The following ATF3 variants were observed in gnomAD, a reference collection of about 807,000 sequenced individuals.
ATF3 encodes the protein activating transcription factor 3.
ATF3 carries 10 observed loss-of-function variants against 18.4 expected under a neutral mutation model. That is an observed-to-expected ratio of 0.54 (90% CI 0.34 to 0.92). The LOEUF (loss-of-function observed/expected upper bound fraction) is 0.92, where lower values mean the gene tolerates loss of function less well. Ranked by LOEUF, ATF3 falls within the 40% of genes least tolerant of loss-of-function variation. ATF3 has a pLI of 0.02. For missense variants in ATF3, 183 were observed against 222.3 expected, an observed-to-expected ratio of 0.82 and a Z score of 1.12; for synonymous variants, 78 against 87.9, an observed-to-expected ratio of 0.89 and a Z score of 0.63.
chr1:212,596,022 G>A (rs1664985112), intron 1 of ATF3, among the ~76,000 whole-genome samples: 1 of 152,222 alleles, frequency 6.6e-6, no homozygotes, highest in Non-Finnish European at 1.5e-5. Context: ...GAAACCACTA[G>A]CGCCTCAAGT....
At chr1:212,574,575 A>G (rs144328484) in intron 1 of ATF3, among the ~76,000 whole-genome samples, 1 of 151,946 alleles carries the variant, frequency 6.6e-6, no homozygotes, top group East Asian at 1.9e-4. Flanking sequence ...GTATGTTTGT[A>G]TCTTATATAA....
chr1:212,586,237 T>C (rs1027323010), intron 1 of ATF3, among the ~76,000 whole-genome samples: 2 of 152,132 alleles, frequency 1.3e-5, no homozygotes, highest in Non-Finnish European at 1.5e-5. Context: ...TGTCATGAAG[T>C]TTCTATTATC....
intron 1 of ATF3, among the ~76,000 whole-genome samples, chr1:212,595,839 G>C (rs992852836): frequency 1.3e-5 from 2 of 152,204 alleles, no homozygotes; most frequent in African/African-American, 4.8e-5. Flanking sequence ...TACATGGCTA[G>C]TCCTAGAGGT....
chr1:212,587,475 C>G (rs1664800582), intron 1 of ATF3, among the ~76,000 whole-genome samples: 1 of 152,150 alleles, frequency 6.6e-6, no homozygotes, highest in Non-Finnish European at 1.5e-5. Context: ...TGACGCAAAC[C>G]ACAATCTCTA....
chr1:212,618,351 G>A lies in ATF3; in HGVS notation c.348+117G>A, dbSNP rs779374194. On this transcript the variant is annotated intron_variant, in intron 3 of 3. Coordinates refer to ENST00000341491, the MANE Select transcript of ATF3 (RefSeq NM_001674.4). The surrounding 1 kb of genome is among the most constrained non-coding windows in gnomAD (Gnocchi z 4.4). ...ACTTGGTTATAGTTTCCCAAGAAGG[G>A]CCTTGTAGCTGGTAGCAGAAATGCC... is the stretch of plus-strand genomic sequence containing the variant. 15 of 1,057,588 alleles carry A rather than the reference G, an allele frequency of 1.4e-5. No homozygotes were observed. The highest frequency in any genetic ancestry group is 2.2e-5 in the Non-Finnish European group (15 of 679,476). 65.5% of individuals were successfully genotyped at this position (1,057,588 alleles called of 1,614,324 possible).
intron 1 of ATF3, among the ~76,000 whole-genome samples, chr1:212,587,220 C>T (rs773901325): frequency 4.6e-5 from 7 of 152,084 alleles, no homozygotes; most frequent in African/African-American, 7.2e-5. Context: ...ATAATAATAC[C>T]GTGCTTAAAT....
At chr1:212,568,187 A>G (rs1664417156) in intron 1 of ATF3, among the ~76,000 whole-genome samples, 1 of 152,212 alleles carries the variant, frequency 6.6e-6, no homozygotes, top group East Asian at 1.9e-4. Context: ...ATTCACATGG[A>G]GAGTGGTCAA....
rs542860126 is a variant in ATF3, at chr1:212,620,139, C to G, written c.*584C>G. 5.8e-5 allele frequency: 9 copies of G among 156,440 alleles called. No homozygotes were observed. Among genetic ancestry groups the G allele is most frequent in the Non-Finnish European group, 8.5e-5 (6 of 70,414 alleles). The allele number at this position is 156,440 out of a possible 1,614,324, so 9.7% of individuals were successfully genotyped here. ...GACTTTTATATGCTTTTTCTCAGAT[C>G]TGGTTTCTAAGAGTTTTGGGGGGCG... On this transcript the variant is annotated 3_prime_UTR_variant, in exon 4 of 4. Coordinates refer to ENST00000341491, the MANE Select transcript of ATF3 (RefSeq NM_001674.4).
intron 1 of ATF3, among the ~76,000 whole-genome samples, chr1:212,585,942 C>A (rs1380009103): frequency 6.6e-6 from 1 of 152,192 alleles, no homozygotes; most frequent in Non-Finnish European, 1.5e-5. Flanking sequence ...TGGCACCCAT[C>A]CTCCTGACTT....
chr1:212,577,935 C>T (rs3125290), intron 1 of ATF3, among the ~76,000 whole-genome samples: 79,191 of 152,004 alleles, frequency 0.52, 20,571 homozygotes, highest in Admixed American at 0.55. Context: ...CCTTTGAATA[C>T]ATTACTCAGT....
rs1350042162 is a variant in ATF3 at position 212,600,190 on chromosome 1, T to C, written c.-4-14828T>C. Among the ~76,000 whole-genome samples, 4 of 152,312 alleles carry C rather than the reference T, an allele frequency of 2.6e-5. No homozygotes were observed. The East Asian group carries it at 5.8e-4, about 22-fold the overall frequency. On this transcript the variant is annotated intron_variant, in intron 1 of 3. Transcript: ENST00000366981. ...GCCTCCTGATGGCCCTCCATGGGCA[T>C]CTTCCTCTCCCATCCAGCCCACCCT...
upstream of ATF3, among the ~76,000 whole-genome samples, chr1:212,604,901 T>C (rs1275115122): frequency 2.6e-5 from 4 of 152,130 alleles, no homozygotes; most frequent in African/African-American, 9.7e-5. Context: ...GCCCCAGGTG[T>C]GTGGTGGAGT....
intron 1 of ATF3, among the ~76,000 whole-genome samples, chr1:212,585,118 G>T (rs960443803): frequency 1.3e-5 from 2 of 152,222 alleles, no homozygotes; most frequent in African/African-American, 4.8e-5. Flanking sequence ...GGGACAGAGA[G>T]AAGTGCCTGA....
chr1:212,615,958 G>T (rs959471388), intron 2 of ATF3, among the ~76,000 whole-genome samples: 11 of 151,682 alleles, frequency 7.3e-5, no homozygotes, highest in African/African-American at 2.4e-4. Context: ...CCCAGCCGGG[G>T]TTGCTGTTTT....
chr1:212,571,511 A>G (rs1294496391), intron 1 of ATF3, among the ~76,000 whole-genome samples: 2 of 147,954 alleles, frequency 1.4e-5, no homozygotes. Flanking sequence ...AGGTTCAAGC[A>G]ATGCTCCTGC....
intron 1 of ATF3, among the ~76,000 whole-genome samples, chr1:212,578,806 T>G (rs185315330): frequency 1.8e-4 from 28 of 152,186 alleles, no homozygotes; most frequent in Admixed American, 1.6e-3. Context: ...ACTATTGCAG[T>G]GGTCCACTCA....
chr1:212,586,648 A>G (rs1431631741), intron 1 of ATF3, among the ~76,000 whole-genome samples: 1 of 152,244 alleles, frequency 6.6e-6, no homozygotes, highest in Non-Finnish European at 1.5e-5. Flanking sequence ...GCTGTCATCC[A>G]TGCCTCAAGA....
Position 212,618,972 on chromosome 1 carries a change from G to A in ATF3, c.349-386G>A. 6.3e-7 allele frequency: 1 copy of A among 1,581,724 alleles called. No individual in the cohort carries two copies. The highest frequency in any genetic ancestry group is 8.7e-7 in the Non-Finnish European group (1 of 1,151,774). ...GTGTGTTGCTATATACATTTTTTCT[G>A]GGGAGATGAGCTTCTCATTGAGATC... On this transcript the variant is annotated intron_variant, in intron 3 of 3. Coordinates refer to ENST00000341491, the MANE Select transcript of ATF3 (RefSeq NM_001674.4). This position sits in a 1 kb window ranked among gnomAD's most constrained non-coding sequence, Gnocchi z 4.4.
chr1:212,616,173 T>C (rs1258653649), intron 2 of ATF3, among the ~76,000 whole-genome samples: 1 of 151,986 alleles, frequency 6.6e-6, no homozygotes, highest in Admixed American at 6.6e-5. Flanking sequence ...GCTGGTCATA[T>C]TGGGTCTTAC....
Sources: gnomAD v4.1 joint callset for allele counts (sites outside exome capture counted in the v4.1 genomes callset) on GRCh38, gnomAD v4.1.1 for gene constraint, Gnocchi (gnomAD v3.1) non-coding constraint, MANE v1.5 for transcripts, NCBI Gene and HGNC (gene_info 2026-07-23, HGNC 2026-07-21) for gene names.